EMILIN2: variants seen among roughly 807,000 people sequenced by gnomAD.
The protein encoded by EMILIN2 is EMILIN-2.
A neutral mutation model predicts 87.1 loss-of-function variants in EMILIN2; 71 were observed. The ratio of observed to expected loss-of-function variants is 0.82; its 90% CI spans 0.67 to 0.99. EMILIN2 has a LOEUF of 0.99. Among genes scored for constraint, EMILIN2 ranks in the 50% least tolerant of loss-of-function variants. The pLI is 0.00. For synonymous variants in EMILIN2, 581 were observed against 563.4 expected (o/e 1.03, Z -0.44); for missense variants, 1,407 against 1,371.8 (o/e 1.03, Z -0.40).
intron 2 of EMILIN2, among the ~76,000 whole-genome samples, chr18:2,884,223 T>A (rs2076791658): frequency 1.3e-5 from 2 of 152,112 alleles, no homozygotes; most frequent in Non-Finnish European, 2.9e-5. Flanking sequence ...CCCAAAGTGC[T>A]CAGATTACAG....
In EMILIN2 at chr18:2,880,454, G is replaced by A. The variant is rs758362074; in HGVS notation, c.258-4510G>A. Among the ~76,000 whole-genome samples the A allele has an allele frequency of 1.3e-5, 2 of 152,172 alleles. No individual in the cohort carries two copies. The highest frequency in any genetic ancestry group is 6.5e-5 in the Admixed American group (1 of 15,292). ...GGGGGAGAGTTCACAGGGGCGAGGCGGCAGGGCGACAGGCCCAGGGTTACA... is the reference window on the plus strand; with the variant it reads ...GGGGGAGAGTTCACAGGGGCGAGGCAGCAGGGCGACAGGCCCAGGGTTACA... On this transcript the variant is annotated intron_variant, in intron 2 of 7. Transcript: ENST00000254528. The surrounding 1 kb of genome is among the most constrained non-coding windows in gnomAD (Gnocchi z 4.1).
chr18:2,891,317 G>GCGACAGCTC lies in EMILIN2; in HGVS notation c.1196_1197insCTCCGACAG (p.Ser399_Glu400insSerAspSer). On this transcript the variant is annotated inframe_insertion, in exon 4 of 8. Coordinates refer to ENST00000254528, the MANE Select transcript of EMILIN2 (RefSeq NM_032048.3). This position sits in a 1 kb window ranked among gnomAD's most constrained non-coding sequence, Gnocchi z 4.6. ...GAGCCTTCAGCCCAGGCAAATTGCT[G>GCGACAGCTC]CGACAGTGAAAAGAATGGTGACATT... 1 of 1,614,186 alleles carries GCGACAGCTC rather than the reference G, an allele frequency of 6.2e-7. No individual in the cohort carries two copies. The highest frequency in any genetic ancestry group is 8.5e-7 in the Non-Finnish European group (1 of 1,180,036).
chr18:2,904,954 G>A (rs910968209), intron 4 of EMILIN2, among the ~76,000 whole-genome samples: 1 of 152,202 alleles, frequency 6.6e-6, no homozygotes, highest in African/African-American at 2.4e-5. Context: ...TCAGGGAGCA[G>A]ACTTTCGCTT....
At chr18:2,893,073 T>C (rs1262542002) in intron 4 of EMILIN2, among the ~76,000 whole-genome samples, 3 of 151,908 alleles carry the variant, frequency 2.0e-5, no homozygotes, top group Non-Finnish European at 4.4e-5. Flanking sequence ...CAAACAACAT[T>C]GCAGTATTTA....
chr18:2,883,227 G>GACGTCAAAGGTCCCTCAC, intron 2 of EMILIN2, among the ~76,000 whole-genome samples: 1 of 151,548 alleles, frequency 6.6e-6, no homozygotes, highest in South Asian at 2.1e-4. Context: ...CCTCGGGGAG[G>GACGTCAAAGGTCCCTCAC]ATGTCAAAGG....
chr18:2,868,513 A>G (rs1386971347), intron 2 of EMILIN2, among the ~76,000 whole-genome samples: 1 of 152,266 alleles, frequency 6.6e-6, no homozygotes, highest in Non-Finnish European at 1.5e-5. Context: ...ACCATTGAGC[A>G]CTGAGTGAAC....
rs767484647 is a variant in EMILIN2, at chr18:2,847,836, G to A, written c.162G>A (p.Lys54=). The change falls in exon 2 of 8, where the codon AAG becomes AAA. Residue 54 remains lysine (K), a synonymous_variant. Transcript: ENST00000254528. The surrounding 1 kb of genome is among the most constrained non-coding windows in gnomAD (Gnocchi z 4.5). ...NKNWCAYIVN[K]NVSCSVLEGS... ...ACTGGTGCGCCTACATCGTGAACAA[G>A]AATGTGAGCTGCTCCGTGCTGGAGG... 2.5e-6 allele frequency: 4 copies of A among 1,613,590 alleles called. No individual in the cohort carries two copies. The South Asian group carries it at 4.4e-5, about 18-fold the overall frequency.
At chr18:2,889,085 ATTTC>A (rs748459403) in intron 3 of EMILIN2, among the ~76,000 whole-genome samples, 1 of 115,898 alleles carries the variant, frequency 8.6e-6, no homozygotes, top group South Asian at 2.5e-4. Context: ...CTCTTTCAGT[ATTTC>A]TTTCTTTCTT....
At chr18:2,869,174 T>C (rs1399997199) in intron 2 of EMILIN2, among the ~76,000 whole-genome samples, 1 of 152,196 alleles carries the variant, frequency 6.6e-6, no homozygotes, top group Non-Finnish European at 1.5e-5. Context: ...TTAGTTTCTA[T>C]GTAATTGAAA....
chr18:2,868,955 G>GTT, intron 2 of EMILIN2, among the ~76,000 whole-genome samples: 1 of 146,100 alleles, frequency 6.8e-6, no homozygotes. Context: ...TTTGAAGGGA[G>GTT]TTTTTTTTTT....
chr18:2,913,483 T>C lies in EMILIN2; in HGVS notation c.*79T>C. 1 of 1,202,878 alleles carries C rather than the reference T, an allele frequency of 8.3e-7. No homozygotes were observed. 74.5% of individuals were successfully genotyped at this position (1,202,878 alleles called of 1,614,324 possible). A position where few individuals can be genotyped will look rare whatever the true frequency, so the allele number is the denominator to read the frequency against. ...TTTAATATATTCGGTTTGTATGTAATGGAAGCACGGGGCTAGAGTTTCCAC... is the reference window on the plus strand; with the variant it reads ...TTTAATATATTCGGTTTGTATGTAACGGAAGCACGGGGCTAGAGTTTCCAC... On this transcript the variant is annotated 3_prime_UTR_variant, in exon 8 of 8. Coordinates refer to ENST00000254528, the MANE Select transcript of EMILIN2 (RefSeq NM_032048.3).
chr18:2,856,821 C>G (rs2076630069), intron 2 of EMILIN2, among the ~76,000 whole-genome samples: 1 of 152,150 alleles, frequency 6.6e-6, no homozygotes, highest in Non-Finnish European at 1.5e-5. Flanking sequence ...CATGATTTCT[C>G]CTTACAAAGA....
chr18:2,897,159 CT>C (rs2076867532), intron 4 of EMILIN2, among the ~76,000 whole-genome samples: 2 of 152,118 alleles, frequency 1.3e-5, no homozygotes, highest in African/African-American at 4.8e-5. Flanking sequence ...GGCAGGCTTT[CT>C]AGGCTGTGAT....
In EMILIN2 at chr18:2,880,929, G is replaced by A. The variant is rs2144017468; in HGVS notation, c.258-4035G>A. 6.6e-6 allele frequency among the ~76,000 whole-genome samples: 1 copy of A among 152,310 alleles called. No individual in the cohort carries two copies. Among genetic ancestry groups the A allele is most frequent in the South Asian group, 2.1e-4 (1 of 4,826 alleles). ...CCTCCACCAATTAAGGTATAATTTT[G>A]CTGAAAATTCCTTGGCATTTTCTAA... is the stretch of plus-strand genomic sequence containing the variant. On this transcript the variant is annotated intron_variant, in intron 2 of 7. Coordinates refer to ENST00000254528, the MANE Select transcript of EMILIN2 (RefSeq NM_032048.3). This position sits in a 1 kb window ranked among gnomAD's most constrained non-coding sequence, Gnocchi z 4.1.
rs554320370 is a variant in EMILIN2 at position 2,855,814 on chromosome 18, G to A, written c.257+7883G>A. Among the ~76,000 whole-genome samples, 8 of 152,288 alleles carry A rather than the reference G, an allele frequency of 5.3e-5. No homozygotes were observed. The East Asian group carries it at 9.6e-4, about 18-fold the overall frequency. ...GGTTGTGGGGAGGAGGCCCCAGTGC[G>A]GGAACACAGCTGACAGAACTTTTAA... On this transcript the variant is annotated intron_variant, in intron 2 of 7. Coordinates refer to ENST00000254528, the MANE Select transcript of EMILIN2 (RefSeq NM_032048.3).
At chr18:2,856,102 C>T (rs527804789) in intron 2 of EMILIN2, among the ~76,000 whole-genome samples, 24 of 152,132 alleles carry the variant, frequency 1.6e-4, no homozygotes, top group African/African-American at 4.3e-4. Context: ...CAGCCGGGCA[C>T]GGTAGTATGT....
chr18:2,858,567 A>ATG (rs1456011795), intron 2 of EMILIN2, among the ~76,000 whole-genome samples: 34 of 58,764 alleles, frequency 5.8e-4, no homozygotes, highest in African/African-American at 2.2e-3. Flanking sequence ...ATATATATAT[A>ATG]TATGTGTGTG....
In EMILIN2 at chr18:2,891,907, T is replaced by A. The variant is rs756227256; in HGVS notation, c.1780T>A (p.Phe594Ile). The A allele has an allele frequency of 1.2e-6, 2 of 1,614,058 alleles. No individual in the cohort carries two copies. Among genetic ancestry groups the A allele is most frequent in the African/African-American group, 1.3e-5 (1 of 74,916 alleles). ...KSLNDTMHRK[F>I]QETEQTIQKL... is the part of the protein sequence containing the mutation. ...TCTCAACGACACGATGCACAGGAAG[T>A]TTCAAGAAACCGAACAAACCATCCA... The change falls in exon 4 of 8, where the codon TTT (phenylalanine) becomes ATT (isoleucine). Residue 594 changes from phenylalanine to isoleucine, a missense_variant. Coordinates refer to ENST00000254528, the MANE Select transcript of EMILIN2 (RefSeq NM_032048.3). The surrounding 1 kb of genome is among the most constrained non-coding windows in gnomAD (Gnocchi z 4.6).
intron 2 of EMILIN2, among the ~76,000 whole-genome samples, chr18:2,854,001 G>C (rs1378268306): frequency 2.0e-5 from 3 of 152,182 alleles, no homozygotes; most frequent in Admixed American, 2.0e-4. Flanking sequence ...GATGGTTTTA[G>C]TATTGGGGGC....
Sources: gnomAD v4.1 joint callset for allele counts (sites outside exome capture counted in the v4.1 genomes callset) on GRCh38, gnomAD v4.1.1 for gene constraint, Gnocchi (gnomAD v3.1) non-coding constraint, MANE v1.5 for transcripts, NCBI Gene and HGNC (gene_info 2026-07-23, HGNC 2026-07-21) for gene names.